Variants in NBEA observed in about 807,000 individuals in gnomAD.
NBEA encodes lysosomal-trafficking regulator 2.
Under a neutral mutation model 343.4 loss-of-function variants are expected in NBEA, and 44 were observed. The observed-to-expected ratio is 0.13, with a 90% CI of 0.10 to 0.16. The LOEUF is 0.16. Ranked by LOEUF, NBEA falls within the 10% of genes least tolerant of loss-of-function variation. The pLI is 1.00. For synonymous variants in NBEA, 1,175 were observed against 1,238.7 expected (o/e 0.95, Z 1.08); for missense variants, 2,555 against 3,631.3 (o/e 0.70, Z 7.62).
chr13:35,415,666 G>A (rs1294790011), intron 38 of NBEA, among the ~76,000 whole-genome samples: 25 of 152,078 alleles, frequency 1.6e-4, no homozygotes, highest in Admixed American at 1.6e-3. Flanking sequence ...GTCAGGTAGT[G>A]TGATGCCTCC....
In NBEA at chr13:35,009,161, A is replaced by G. The variant is rs1197514381; in HGVS notation, c.295-31772A>G. On this transcript the variant is annotated intron_variant, in intron 1 of 58. Transcript: ENST00000379939. ...CTGAATGACTAAATTCATTTATTGA[A>G]ACATTATTTATTGAATGGAAAATAT... Among the ~76,000 whole-genome samples the G allele has an allele frequency of 1.3e-5, 2 of 152,204 alleles. 1 individual carries two copies. The highest frequency in any genetic ancestry group is 2.9e-5 in the Non-Finnish European group (2 of 68,044).
At chr13:35,485,132 C>A (rs1452867997) in intron 41 of NBEA, among the ~76,000 whole-genome samples, 1 of 151,940 alleles carries the variant, frequency 6.6e-6, no homozygotes, top group Non-Finnish European at 1.5e-5. Flanking sequence ...TACACTTCAG[C>A]CAATTGGAAG....
intron 24 of NBEA, among the ~76,000 whole-genome samples, chr13:35,167,211 T>C (rs867602417): frequency 1.3e-5 from 2 of 152,014 alleles, no homozygotes; most frequent in Non-Finnish European, 2.9e-5. Context: ...TCTGCTGTGA[T>C]AGTACAAAAG....
At chr13:35,550,128 A>G (rs73171556) in intron 41 of NBEA, among the ~76,000 whole-genome samples, 4,806 of 152,300 alleles carry the variant, frequency 0.032, 101 homozygotes, top group South Asian at 0.1. Context: ...GCTTCCATTA[A>G]GCAAGGAAGG....
At chr13:35,230,102 T>C (rs2074886376) in intron 33 of NBEA, among the ~76,000 whole-genome samples, 2 of 152,072 alleles carry the variant, frequency 1.3e-5, no homozygotes, top group Non-Finnish European at 2.9e-5. Flanking sequence ...TTCTAATAAA[T>C]TTTATAAGAA....
intron 31 of NBEA, among the ~76,000 whole-genome samples, chr13:35,196,736 A>T (rs1197633351): frequency 6.6e-6 from 1 of 152,160 alleles, no homozygotes; most frequent in Non-Finnish European, 1.5e-5. Context: ...ACATGCTTTA[A>T]GTGATAATAT....
intron 45 of NBEA, among the ~76,000 whole-genome samples, chr13:35,582,419 G>C (rs1300870956): frequency 6.6e-6 from 1 of 151,982 alleles, no homozygotes; most frequent in Non-Finnish European, 1.5e-5. Context: ...TAAATATTAA[G>C]ATTTTATGTA....
intron 34 of NBEA, among the ~76,000 whole-genome samples, chr13:35,260,609 T>C (rs2033123508): frequency 6.6e-6 from 1 of 152,214 alleles, no homozygotes; most frequent in Non-Finnish European, 1.5e-5. Flanking sequence ...AGCAGAATTT[T>C]GTGGAAGAGG....
intron 33 of NBEA, among the ~76,000 whole-genome samples, chr13:35,231,599 A>G (rs1263156522): frequency 1.3e-5 from 2 of 152,106 alleles, no homozygotes; most frequent in Non-Finnish European, 2.9e-5. Flanking sequence ...GTAGAGCAAA[A>G]AAGTGAACAT....
At position 35,185,124 on chromosome 13, in the gene NBEA, A is replaced by G. The variant is rs552894552; in HGVS notation, c.4927+1053A>G. ...ACATGAAGGAGGATCTTTATTGCTT[A>G]GATGGAGGTGACCATCTTATTGCTT... On this transcript the variant is annotated intron_variant, in intron 30 of 58. Coordinates refer to ENST00000379939, the MANE Select transcript of NBEA (RefSeq NM_001385012.1). 3.3e-5 allele frequency among the ~76,000 whole-genome samples: 5 copies of G among 152,278 alleles called. No homozygotes were observed. In the South Asian group the frequency reaches 1.0e-3, roughly 32 times the overall value.
At chr13:35,087,468 C>T (rs889405008) in intron 10 of NBEA, among the ~76,000 whole-genome samples, 1 of 151,806 alleles carries the variant, frequency 6.6e-6, no homozygotes, top group Non-Finnish European at 1.5e-5. Context: ...GCATGAGCCA[C>T]TATTAACATC....
intron 41 of NBEA, among the ~76,000 whole-genome samples, chr13:35,507,334 C>T (rs545319887): frequency 1.3e-5 from 2 of 151,854 alleles, no homozygotes; most frequent in Admixed American, 1.3e-4. Flanking sequence ...TACAATTACT[C>T]TCCTGGTAAT....
intron 48 of NBEA, among the ~76,000 whole-genome samples, chr13:35,615,383 G>A (rs985934296): frequency 6.6e-6 from 1 of 151,602 alleles, no homozygotes; most frequent in Non-Finnish European, 1.5e-5. Flanking sequence ...TTACTCTGTT[G>A]CCCTGGCTGG....
At chr13:35,320,425 C>T (rs2038055295) in intron 36 of NBEA, among the ~76,000 whole-genome samples, 1 of 152,218 alleles carries the variant, frequency 6.6e-6, no homozygotes, top group Non-Finnish European at 1.5e-5. Context: ...ATATTTGCCT[C>T]CACTCTCTTC....
intron 48 of NBEA, among the ~76,000 whole-genome samples, chr13:35,619,690 G>T (rs2082894094): frequency 6.6e-6 from 1 of 152,138 alleles, no homozygotes; most frequent in Non-Finnish European, 1.5e-5. Flanking sequence ...GCATTCAGGT[G>T]TGTCTGCCAT....
intron 48 of NBEA, 106 bp downstream of exon 48, chr13:35,606,684 A>T (rs915715432): frequency 5.9e-6 from 5 of 851,490 alleles, no homozygotes; most frequent in Middle Eastern, 2.5e-4. Context: ...TATACTTAAC[A>T]TCTATAAATA....
chr13:35,060,802 A>G (rs965579612), intron 8 of NBEA, among the ~76,000 whole-genome samples: 1 of 151,684 alleles, frequency 6.6e-6, no homozygotes, highest in Non-Finnish European at 1.5e-5. Flanking sequence ...TGAGTAGTTC[A>G]CACATTATAG....
At chr13:35,087,760 C>G (rs974150291) in intron 10 of NBEA, among the ~76,000 whole-genome samples, 4 of 151,764 alleles carry the variant, frequency 2.6e-5, no homozygotes, top group African/African-American at 9.7e-5. Context: ...ATTTCAGACA[C>G]TTGGACAGAA....
intron 1 of NBEA, among the ~76,000 whole-genome samples, chr13:35,023,864 G>A (rs1190116657): frequency 2.0e-5 from 3 of 152,116 alleles, no homozygotes; most frequent in Non-Finnish European, 1.5e-5. Flanking sequence ...GCATGCGCAG[G>A]TTTGTTACGT....
Sources: gnomAD v4.1 joint callset for allele counts (sites outside exome capture counted in the v4.1 genomes callset) on GRCh38, gnomAD v4.1.1 for gene constraint, MANE v1.5 for transcripts, NCBI Gene and HGNC (gene_info 2026-07-23, HGNC 2026-07-21) for gene names.